Variants in PAX2 observed in about 807,000 individuals in gnomAD.
The protein encoded by PAX2 is paired box protein Pax-2.
In PAX2, 9 loss-of-function variants were observed where a neutral mutation model predicts 41.7. The ratio of observed to expected loss-of-function variants is 0.22; its 90% CI spans 0.13 to 0.38. PAX2 has a LOEUF of 0.38. PAX2 is among the 10% of genes least tolerant of loss of function. The probability of loss-of-function intolerance (pLI) is 1.00; values close to 1 mark genes in which losing one functional copy is unlikely to be tolerated. For missense variants in PAX2, 418 were observed against 531.6 expected (o/e 0.79, Z 2.10); for synonymous variants, 221 against 212.7 (o/e 1.04, Z -0.34).
At chr10:100,825,042 C>T in intron 8 of PAX2, 1 of 1,358,154 alleles carries the variant, frequency 7.4e-7, no homozygotes, top group Non-Finnish European at 1.1e-6. Context: ...GAGGAGCACT[C>T]AGCCTCAGCT....
chr10:100,771,889 C>G (rs1002990068), intron 3 of PAX2, among the ~76,000 whole-genome samples: 1 of 151,960 alleles, frequency 6.6e-6, no homozygotes, highest in African/African-American at 2.4e-5. Context: ...CTCACTGCAA[C>G]TTTCACCTCC....
chr10:100,781,289 C>T lies in PAX2; in HGVS notation c.540C>T (p.Asp180=), dbSNP rs774926053. 1 of 1,613,398 alleles carries T rather than the reference C, an allele frequency of 6.2e-7. No individual in the cohort carries two copies. Among genetic ancestry groups the T allele is most frequent in the South Asian group, 1.1e-5 (1 of 91,072 alleles). Residue 180 remains aspartate, a synonymous_variant, in exon 5 of 10, where the codon GAC becomes GAT. Transcript: ENST00000355243. ...CTCCTGTTTCCAGCGCCTCCAATGA[C>T]CCAGTGGGATCCTACTCCATCAATG... The part of the protein sequence containing the change: ...ASPPVSSASN[D]PVGSYSINGI...
intron 4 of PAX2, among the ~76,000 whole-genome samples, chr10:100,780,130 C>T (rs1455636582): frequency 2.0e-5 from 3 of 152,102 alleles, no homozygotes; most frequent in Non-Finnish European, 4.4e-5. Flanking sequence ...CTGTCTTCCT[C>T]CTTCCTCATG....
intron 5 of PAX2, among the ~76,000 whole-genome samples, chr10:100,796,817 G>C (rs999044194): frequency 6.6e-6 from 1 of 152,128 alleles, no homozygotes; most frequent in Non-Finnish European, 1.5e-5. Context: ...GAATTAAGTG[G>C]CCTGCAATAG....
At chr10:100,782,820 C>T (rs1475408970) in intron 5 of PAX2, among the ~76,000 whole-genome samples, 1 of 152,254 alleles carries the variant, frequency 6.6e-6, no homozygotes, top group Non-Finnish European at 1.5e-5. Context: ...TCCCAGTTCT[C>T]CCTGAGGCTC....
At chr10:100,787,544 A>G (rs1229226863) in intron 5 of PAX2, among the ~76,000 whole-genome samples, 1 of 152,108 alleles carries the variant, frequency 6.6e-6, no homozygotes, top group African/African-American at 2.4e-5. Context: ...AGAAAATTGC[A>G]TATTCAATCT....
In PAX2 at chr10:100,787,655, C is replaced by T. The variant is rs181542458; in HGVS notation, c.616+6290C>T. Among the ~76,000 whole-genome samples the T allele has an allele frequency of 4.8e-4, 73 of 152,218 alleles. No homozygotes were observed. The Middle Eastern group carries it at 0.031, about 64-fold the overall frequency. On this transcript the variant is annotated intron_variant, in intron 5 of 9. Coordinates refer to ENST00000355243, the MANE Select transcript of PAX2 (RefSeq NM_000278.5). ...GGCCTCGGTATCAGCCTCACTTTAA[C>T]TTCAGGGTCATTAATTCCCTGATTA... is the stretch of plus-strand genomic sequence containing the variant.
At position 100,748,108 on chromosome 10, in the gene PAX2, C is replaced by T; in HGVS notation, c.44-1638C>T. 1 of 985,140 alleles carries T rather than the reference C, an allele frequency of 1.0e-6. No homozygotes were observed. The highest frequency in any genetic ancestry group is 1.2e-6 in the Non-Finnish European group (1 of 829,898). The allele number at this position is 985,140 out of a possible 1,614,324, so 61.0% of individuals were successfully genotyped here. A position where few individuals can be genotyped will look rare whatever the true frequency, so the allele number is the denominator to read the frequency against. ...GCGCCGACTCGCTGCAGTCCCCCAG[C>T]CCTGGACTCCCGCCGTGTCCCCTTC... On this transcript the variant is annotated intron_variant, in intron 1 of 9. Transcript: ENST00000355243. This position sits in a 1 kb window ranked among gnomAD's most constrained non-coding sequence, Gnocchi z 5.0.
At chr10:100,735,652 G>A (rs1025808788) in exon 1 of PAX2, 20 of 1,059,616 alleles carry the variant, frequency 1.9e-5, no homozygotes, top group South Asian at 1.3e-4. Flanking sequence ...GTCGGGCCGC[G>A]GAGGAGCGGG....
At chr10:100,784,649 T>C (rs566028483) in intron 5 of PAX2, among the ~76,000 whole-genome samples, 24 of 152,338 alleles carry the variant, frequency 1.6e-4, no homozygotes, top group African/African-American at 5.5e-4. Context: ...CTGGCATTAT[T>C]GGAGACAATC....
chr10:100,749,471 A>T, intron 1 of PAX2: 3 of 1,280,574 alleles, frequency 2.3e-6, no homozygotes, highest in Non-Finnish European at 2.9e-6. Flanking sequence ...CTTTTCTGTC[A>T]TCTGGTTTCT....
At chr10:100,735,510 G>T in exon 1 of PAX2, 1 of 275,654 alleles carries the variant, frequency 3.6e-6, no homozygotes, top group South Asian at 1.5e-4. Flanking sequence ...CTGCGCGGCC[G>T]GGAGTGAGAG....
At chr10:100,735,529 C>A (rs1197535775) in exon 1 of PAX2, 5 of 339,432 alleles carry the variant, frequency 1.5e-5, no homozygotes, top group East Asian at 5.9e-5. Flanking sequence ...AGAGCGGGCG[C>A]GGGCGGAGCA....
intron 3 of PAX2, among the ~76,000 whole-genome samples, chr10:100,757,622 G>A (rs757246294): frequency 4.6e-5 from 7 of 152,216 alleles, no homozygotes; most frequent in African/African-American, 1.2e-4. Context: ...CTGTGGTCCC[G>A]CAGTGGGAGG....
chr10:100,746,227 G>GGCGGCC lies in PAX2; in HGVS notation c.-30_-25dup. ...TGAGTTTGAGAGGCGACACGGCGGC[G>GGCGGCC]GCGGCCGCGCTGCTCCCGCTCCTCT... On this transcript the variant is annotated 5_prime_UTR_variant, in exon 1 of 10. Coordinates refer to ENST00000355243, the MANE Select transcript of PAX2 (RefSeq NM_000278.5). 1 of 1,613,088 alleles carries GGCGGCC rather than the reference G, an allele frequency of 6.2e-7. No individual in the cohort carries two copies. Among genetic ancestry groups the GGCGGCC allele is most frequent in the African/African-American group, 1.3e-5 (1 of 74,966 alleles).
chr10:100,824,920 C>A lies in PAX2; in HGVS notation c.1021+171C>A. The A allele has an allele frequency of 6.2e-7, 1 of 1,614,138 alleles. No homozygotes were observed. Among genetic ancestry groups the A allele is most frequent in the South Asian group, 1.1e-5 (1 of 91,080 alleles). On this transcript the variant is annotated intron_variant, in intron 8 of 9. Transcript: ENST00000355243. The surrounding 1 kb of genome is among the most constrained non-coding windows in gnomAD (Gnocchi z 6.6). ...TCCTTAGAGGCTGCAGTTGGTCCCT[C>A]ATCCTCCCTCATGAGCAAGCCGGGG...
At chr10:100,736,563 C>T (rs1844781288) in intron 1 of PAX2, among the ~76,000 whole-genome samples, 1 of 151,820 alleles carries the variant, frequency 6.6e-6, no homozygotes, top group Admixed American at 6.5e-5. Flanking sequence ...TGCCTCACTC[C>T]TCACCTTTCC....
intron 3 of PAX2, among the ~76,000 whole-genome samples, chr10:100,759,259 G>A (rs979667318): frequency 7.9e-5 from 12 of 152,170 alleles, no homozygotes; most frequent in Admixed American, 7.9e-4. Context: ...GGAGAAAGGG[G>A]AAGAGGAAGG....
intron 1 of PAX2, among the ~76,000 whole-genome samples, chr10:100,746,780 T>G (rs941683601): frequency 6.6e-6 from 1 of 152,190 alleles, no homozygotes; most frequent in Non-Finnish European, 1.5e-5. Flanking sequence ...TTTCTCAAAC[T>G]TAAGAGTCGT....
Sources: allele counts gnomAD v4.1 joint callset (sites outside exome capture counted in the v4.1 genomes callset), GRCh38; gene constraint gnomAD v4.1.1; non-coding constraint Gnocchi (gnomAD v3.1); transcripts MANE v1.5; gene names NCBI Gene and HGNC (gene_info 2026-07-23, HGNC 2026-07-21).